AAMP: variants seen among roughly 807,000 people sequenced by gnomAD.
The protein encoded by AAMP is angio associated migratory cell protein.
AAMP carries 12 observed loss-of-function variants against 51.1 expected under a neutral mutation model. That is an observed-to-expected ratio of 0.23 (90% CI 0.15 to 0.38). AAMP has a LOEUF of 0.38. Ranked by LOEUF, AAMP falls within the 10% of genes least tolerant of loss-of-function variation. AAMP has a pLI of 1.00. For missense variants in AAMP, 418 were observed against 557.2 expected (o/e 0.75, Z 2.52); for synonymous variants, 210 against 218.7 (o/e 0.96, Z 0.35).
chr2:218,265,989 C>A lies in AAMP; in HGVS notation c.764-43G>T, dbSNP rs1478357496. On this transcript the variant is annotated intron_variant, in intron 6 of 10. Coordinates refer to ENST00000248450, the MANE Select transcript of AAMP (RefSeq NM_001087.5). The surrounding 1 kb of genome is among the most constrained non-coding windows in gnomAD (Gnocchi z 6.6). ...GGCAGCTCAGGCTTCGTCCTACCTC[C>A]CCTCTGAGTCCTGCCCCAGGTTCTC... is the stretch of plus-strand genomic sequence containing the variant. 1 of 1,608,314 alleles carries A rather than the reference C, an allele frequency of 6.2e-7. No homozygotes were observed. Among genetic ancestry groups the A allele is most frequent in the Non-Finnish European group, 8.5e-7 (1 of 1,174,780 alleles).
At position 218,266,546 on chromosome 2, in the gene AAMP, G is replaced by A. The variant is rs1196531241; in HGVS notation, c.576C>T (p.Gly192=). Residue 192 remains glycine, a synonymous_variant, in exon 5 of 11, where the codon GGC becomes GGT. Transcript: ENST00000248450. This position sits in a 1 kb window ranked among gnomAD's most constrained non-coding sequence, Gnocchi z 4.7. ...ACATCCAGGTGTTGCCGTCAGCTGT[G>A]CCCGCCAACAGGACAGGTGCCCGAG... is the stretch of plus-strand genomic sequence containing the variant. ...WHPRAPVLLA[G]TADGNTWMWK... 6.2e-7 allele frequency: 1 copy of A among 1,613,516 alleles called. No individual in the cohort carries two copies. Among genetic ancestry groups the A allele is most frequent in the South Asian group, 1.1e-5 (1 of 91,072 alleles).
Position 218,267,013 on chromosome 2 carries a change from G to A in AAMP, c.395-27C>T, listed in dbSNP as rs1307996311. On this transcript the variant is annotated intron_variant, in intron 3 of 10. Coordinates refer to ENST00000248450, the MANE Select transcript of AAMP (RefSeq NM_001087.5). The surrounding 1 kb of genome is among the most constrained non-coding windows in gnomAD (Gnocchi z 4.6). ...TTCAAAGAAAAGTGGGCAGAAAACA[G>A]AGGAAAAAAATAGGGTACCTGGTGC... 1.2e-6 allele frequency: 2 copies of A among 1,607,870 alleles called. No homozygotes were observed. The highest frequency in any genetic ancestry group is 1.7e-5 in the Admixed American group (1 of 59,076).
At position 218,269,456 on chromosome 2, in the gene AAMP, A is replaced by T. The variant is rs1243326701; in HGVS notation, c.200T>A (p.Leu67Gln). The T allele has an allele frequency of 6.2e-7, 1 of 1,614,216 alleles. No individual in the cohort carries two copies. The highest frequency in any genetic ancestry group is 1.1e-5 in the South Asian group (1 of 91,092). ...EEEGNEEGWVLEPQEGVVGSM... is the reference protein window; with the variant it reads ...EEEGNEEGWVQEPQEGVVGSM... ...GCCGACCACCCCTTCCTGGGGTTCTAGAACCCAGCCCTCTTCGTTGCCCTC... is the reference window on the plus strand; with the variant it reads ...GCCGACCACCCCTTCCTGGGGTTCTTGAACCCAGCCCTCTTCGTTGCCCTC... The change falls in exon 2 of 11, where the codon CTA becomes CAA. Residue 67 changes from leucine (L) to glutamine (Q), a missense_variant. By Grantham distance (113) the Leu-to-Gln change is moderately radical. Transcript: ENST00000248450.
At chr2:218,269,595 G>A (rs1690733447) in intron 1 of AAMP, 61 bp from the exon 2 acceptor site, 4 of 1,612,664 alleles carry the variant, frequency 2.5e-6, no homozygotes, top group East Asian at 2.2e-5. Context: ...ACGGAGAGAA[G>A]CATGAGGAGG....
rs539474228 is a variant in AAMP, at chr2:218,265,772, G to A, written c.879+59C>T. The A allele has an allele frequency of 1.9e-6, 3 of 1,577,796 alleles. No individual in the cohort carries two copies. The highest frequency in any genetic ancestry group is 2.2e-5 in the East Asian group (1 of 44,642). On this transcript the variant is annotated intron_variant, in intron 7 of 10. Transcript: ENST00000248450. This position sits in a 1 kb window ranked among gnomAD's most constrained non-coding sequence, Gnocchi z 6.6. ...GGGGAGAGGAGACAGTGAAGACCCA[G>A]GAAGGAAGGAGAGGAGTCGGGAAAG...
Position 218,267,849 on chromosome 2 carries a change from C to T in AAMP, c.275-236G>A, listed in dbSNP as rs1419913179. ...CCTCACTGTGTGACTCCCGTCACCA[C>T]CCAACACCAATGCCATGGACAAGAG... is the stretch of plus-strand genomic sequence containing the variant. On this transcript the variant is annotated intron_variant, in intron 2 of 10. Coordinates refer to ENST00000248450, the MANE Select transcript of AAMP (RefSeq NM_001087.5). The surrounding 1 kb of genome is among the most constrained non-coding windows in gnomAD (Gnocchi z 4.6). Among the ~76,000 whole-genome samples, 1 of 152,244 alleles carries T rather than the reference C, an allele frequency of 6.6e-6. No individual in the cohort carries two copies. Among genetic ancestry groups the T allele is most frequent in the Non-Finnish European group, 1.5e-5 (1 of 68,050 alleles).
chr2:218,266,715 T>A lies in AAMP; in HGVS notation c.535-128A>T. 8 of 1,546,716 alleles carry A rather than the reference T, an allele frequency of 5.2e-6. No homozygotes were observed. Among genetic ancestry groups the A allele is most frequent in the Non-Finnish European group, 7.0e-6 (8 of 1,138,514 alleles). On this transcript the variant is annotated intron_variant, in intron 4 of 10. Transcript: ENST00000248450. This position sits in a 1 kb window ranked among gnomAD's most constrained non-coding sequence, Gnocchi z 4.7. Reference sequence around the variant, plus strand: ...GGGGACTTTCCAGGTAGCAGGTAGATATTCTTCCTGTGCCTTGGGGCGCAT... The same window carrying A: ...GGGGACTTTCCAGGTAGCAGGTAGAAATTCTTCCTGTGCCTTGGGGCGCAT...
rs1574610742 is a variant in AAMP, at chr2:218,267,161, C to T, written c.395-175G>A. On this transcript the variant is annotated intron_variant, in intron 3 of 10. Coordinates refer to ENST00000248450, the MANE Select transcript of AAMP (RefSeq NM_001087.5). The surrounding 1 kb of genome is among the most constrained non-coding windows in gnomAD (Gnocchi z 4.6). The stretch of plus-strand genomic sequence containing the variant: ...ACTCTAGGAACCAATACTCCCATGT[C>T]TGCTGGGAGACACTGCTGGCCCTCA... Among the ~76,000 whole-genome samples, 2 of 152,246 alleles carry T rather than the reference C, an allele frequency of 1.3e-5. No homozygotes were observed. The highest frequency in any genetic ancestry group is 4.1e-4 in the South Asian group (2 of 4,824).
chr2:218,268,690 A>T (rs2106173704), intron 2 of AAMP, among the ~76,000 whole-genome samples: 1 of 144,712 alleles, frequency 6.9e-6, no homozygotes, highest in African/African-American at 2.5e-5. Context: ...TTTATCAAAG[A>T]TAACTTTTTT....
chr2:218,268,373 C>T (rs1412543427), intron 2 of AAMP, among the ~76,000 whole-genome samples: 2 of 152,086 alleles, frequency 1.3e-5, no homozygotes, highest in South Asian at 4.1e-4. Flanking sequence ...GAATCTTGCT[C>T]TGTCGCCCAG....
chr2:218,264,607 C>G lies in AAMP; in HGVS notation c.1231G>C (p.Asp411His). The G allele has an allele frequency of 6.2e-7, 1 of 1,614,046 alleles. No homozygotes were observed. Among genetic ancestry groups the G allele is most frequent in the Non-Finnish European group, 8.5e-7 (1 of 1,179,882 alleles). Residue 411 changes from aspartate (D) to histidine (H), a missense_variant and splice_region_variant, in exon 11 of 11, where the codon GAT (aspartate) becomes CAT (histidine). By Grantham distance (81) the Asp-to-His change is moderately conservative (BLOSUM62 -1). Coordinates refer to ENST00000248450, the MANE Select transcript of AAMP (RefSeq NM_001087.5). ...AEILDFALSK[D>H]ASLVVTTSGD... ...GACGTGGTCACCACCAGGGAGGCAT[C>G]TCTGTAAACAGAAAGCATGTGATTG...
At position 218,265,002 on chromosome 2, in the gene AAMP, C is replaced by T. The variant is rs1280699608; in HGVS notation, c.1229+18G>A. 2 of 1,613,546 alleles carry T rather than the reference C, an allele frequency of 1.2e-6. No homozygotes were observed. Among genetic ancestry groups the T allele is most frequent in the Non-Finnish European group, 8.5e-7 (1 of 1,180,034 alleles). ...TTCCAAATACACAAAGATCCCAGCC[C>T]TTGGCCAATTCACTTACTTGCTGAG... On this transcript the variant is annotated intron_variant, in intron 10 of 10. Transcript: ENST00000248450. The surrounding 1 kb of genome is among the most constrained non-coding windows in gnomAD (Gnocchi z 6.6).
intron 2 of AAMP, among the ~76,000 whole-genome samples, chr2:218,268,582 T>C (rs1423759055): frequency 1.3e-5 from 2 of 151,180 alleles, no homozygotes; most frequent in African/African-American, 4.9e-5. Context: ...CCTCAGGTGA[T>C]CCACCCGCCT....
At chr2:218,269,927 C>G in intron 1 of AAMP, 39 bp downstream of exon 1, 1 of 1,613,016 alleles carries the variant, frequency 6.2e-7, no homozygotes, top group South Asian at 1.1e-5. Flanking sequence ...CAGGGGTGAG[C>G]GTCTCCTGTC....
chr2:218,266,064 C>A lies in AAMP; in HGVS notation c.763G>T (p.Gly255Trp). ...KQGSPIHVLK[G>W]TEGHQGPLTC... ...CTAACACTTCCCCCACCTCTGATAC[C>A]TTTCAGTACATGGATAGGGCTTCCC... The change falls in exon 6 of 11, where the codon GGG (glycine) becomes TGG (tryptophan). Residue 255 changes from glycine to tryptophan, a missense_variant and splice_region_variant. Coordinates refer to ENST00000248450, the MANE Select transcript of AAMP (RefSeq NM_001087.5). This position sits in a 1 kb window ranked among gnomAD's most constrained non-coding sequence, Gnocchi z 4.7. 6.2e-7 allele frequency: 1 copy of A among 1,614,116 alleles called. No individual in the cohort carries two copies. Among genetic ancestry groups the A allele is most frequent in the Non-Finnish European group, 8.5e-7 (1 of 1,179,970 alleles).
intron 1 of AAMP, 121 bp downstream of exon 1, chr2:218,269,845 G>C: frequency 6.8e-7 from 1 of 1,461,840 alleles, no homozygotes; most frequent in Non-Finnish European, 9.4e-7. Flanking sequence ...TGGGGGAGGA[G>C]GGGAAGAGGG....
chr2:218,269,355 T>G (rs1298392668), intron 2 of AAMP, 27 bp downstream of exon 2: 3 of 1,613,024 alleles, frequency 1.9e-6, no homozygotes, highest in African/African-American at 1.3e-5. Flanking sequence ...CTAAACTGAT[T>G]TGAGGTGGAT....
chr2:218,269,321 G>T (rs906902733), intron 2 of AAMP, 61 bp downstream of exon 2: 8 of 1,600,792 alleles, frequency 5.0e-6, no homozygotes, highest in Non-Finnish European at 6.8e-6. Flanking sequence ...GTCCATGGCT[G>T]ATGTTTAATG....
chr2:218,264,641 G>A (rs2106170401), intron 10 of AAMP, 33 bp from the exon 11 acceptor site: 3 of 1,602,836 alleles, frequency 1.9e-6, no homozygotes, highest in Admixed American at 1.7e-5. Flanking sequence ...TGCAGAGACT[G>A]GGGGACCCAA....
Sources: allele counts gnomAD v4.1 joint callset (sites outside exome capture counted in the v4.1 genomes callset), GRCh38; gene constraint gnomAD v4.1.1; non-coding constraint Gnocchi (gnomAD v3.1); transcripts MANE v1.5; gene names NCBI Gene and HGNC (gene_info 2026-07-23, HGNC 2026-07-21).